CNKSR2: variants seen among roughly 807,000 people sequenced by gnomAD.
The protein encoded by CNKSR2 is CNK homolog protein 2.
Under a neutral mutation model 84.4 loss-of-function variants are expected in CNKSR2, and 14 were observed. The ratio of observed to expected loss-of-function variants is 0.17; its 90% CI spans 0.11 to 0.26. CNKSR2 has a LOEUF of 0.26. Ranked by LOEUF, CNKSR2 falls within the 10% of genes least tolerant of loss-of-function variation. The pLI is 1.00. For synonymous variants in CNKSR2, 275 were observed against 277.9 expected (o/e 0.99, Z 0.10); for missense variants, 485 against 771.2 (o/e 0.63, Z 4.40).
intron 6 of CNKSR2, chrX:21,493,929 T>G (rs1325075759): frequency 8.9e-6 from 1 of 111,992 alleles, no homozygotes; most frequent in Non-Finnish European, 1.9e-5. Flanking sequence ...TTTATTCTTG[T>G]GGCATTTAAA....
chrX:21,417,024 TTTC>T (rs2090431808), intron 1 of CNKSR2, among the ~76,000 whole-genome samples: 1 of 111,656 alleles, frequency 9.0e-6, no homozygotes, highest in African/African-American at 3.3e-5. Flanking sequence ...ATTTGAAGTT[TTTC>T]TTCTTTTTTG....
intron 4 of CNKSR2, among the ~76,000 whole-genome samples, chrX:21,462,958 G>A (rs925005506): frequency 9.1e-6 from 1 of 110,157 alleles, no homozygotes; most frequent in Admixed American, 9.6e-5. Context: ...CGCCCGCCTC[G>A]GCCTCCCAAA....
intron 7 of CNKSR2, among the ~76,000 whole-genome samples, chrX:21,499,633 TTC>T (rs1167998990): frequency 9.0e-6 from 1 of 110,994 alleles, no homozygotes; most frequent in Admixed American, 9.6e-5. Context: ...CATCTTTTGA[TTC>T]TTTTTTTTCT....
intron 11 of CNKSR2, among the ~76,000 whole-genome samples, chrX:21,544,000 C>T (rs1319349399): frequency 9.0e-6 from 1 of 110,641 alleles, no homozygotes; most frequent in Non-Finnish European, 1.9e-5. Flanking sequence ...TAGCAGAGTT[C>T]TTGCCTCATA....
chrX:21,456,909 A>G (rs748948290), intron 4 of CNKSR2, among the ~76,000 whole-genome samples: 1 of 111,713 alleles, frequency 9.0e-6, no homozygotes, highest in South Asian at 3.8e-4. Context: ...TAGCCATTCT[A>G]ACAGGAGTGA....
chrX:21,403,383 A>T (rs192905522), intron 1 of CNKSR2, among the ~76,000 whole-genome samples: 1 of 111,831 alleles, frequency 8.9e-6, no homozygotes, highest in East Asian at 2.8e-4. Context: ...TTGTTTATAT[A>T]CATTAACAAA....
At chrX:21,490,615 C>A (rs1161732338) in intron 6 of CNKSR2, 37 bp downstream of exon 6, 6 of 1,177,791 alleles carry the variant, frequency 5.1e-6, no homozygotes, top group Non-Finnish European at 6.9e-6. Context: ...CACCATCCAT[C>A]AGTAGAGAGC....
intron 9 of CNKSR2, among the ~76,000 whole-genome samples, chrX:21,526,144 A>T (rs2091832610): frequency 2.8e-5 from 3 of 107,326 alleles, no homozygotes; most frequent in African/African-American, 1.1e-4. Context: ...TACAGGCCTG[A>T]AAATGAGATC....
chrX:21,441,761 GAATAAGCA>G, intron 4 of CNKSR2, among the ~76,000 whole-genome samples: 1 of 111,535 alleles, frequency 9.0e-6, no homozygotes, highest in East Asian at 2.8e-4. Context: ...AGGCCAATTT[GAATAAGCA>G]AGGTGTAGAC....
At chrX:21,414,854 G>A (rs1335057572) in intron 1 of CNKSR2, among the ~76,000 whole-genome samples, 2 of 111,359 alleles carry the variant, frequency 1.8e-5, no homozygotes, top group Non-Finnish European at 3.8e-5. Context: ...GAAAATGAGT[G>A]CACTGTGGGT....
intron 11 of CNKSR2, among the ~76,000 whole-genome samples, chrX:21,535,698 A>AT (rs1264827341): frequency 9.0e-6 from 1 of 110,581 alleles, no homozygotes; most frequent in Non-Finnish European, 1.9e-5. Flanking sequence ...AACACTACTG[A>AT]TTTTTGTATG....
chrX:21,620,631 C>T (rs1223659959), intron 20 of CNKSR2, among the ~76,000 whole-genome samples: 1 of 111,234 alleles, frequency 9.0e-6, no homozygotes. Context: ...AGAGTTCTTC[C>T]TTGTATTGAT....
chrX:21,648,794 C>CTTTTTTTT lies in CNKSR2; in HGVS notation c.2693-19_2693-12dup, dbSNP rs33962399. 980 of 315,116 alleles carry CTTTTTTTT rather than the reference C, an allele frequency of 3.1e-3. 30 individuals carry two copies. Among genetic ancestry groups the CTTTTTTTT allele is most frequent in the African/African-American group, 4.7e-3 (75 of 16,088 alleles). 26.0% of individuals were successfully genotyped at this position (315,116 alleles called of 1,213,427 possible). ...TTTCTCTCTCTCTCTCTCTCTCTTT[C>CTTTTTTTT]TTTTTTTTTTTTTTTTTTTTTTTTT... On this transcript the variant is annotated intron_variant, in intron 20 of 21. Transcript: ENST00000379510.
intron 4 of CNKSR2, among the ~76,000 whole-genome samples, chrX:21,456,576 G>C (rs963549232): frequency 9.0e-6 from 1 of 111,525 alleles, no homozygotes; most frequent in Non-Finnish European, 1.9e-5. Flanking sequence ...ATATTTCATT[G>C]TGTGTGTGTA....
intron 5 of CNKSR2, among the ~76,000 whole-genome samples, chrX:21,485,991 C>T (rs1048830291): frequency 1.1e-4 from 12 of 110,741 alleles, no homozygotes; most frequent in East Asian, 8.5e-4. Context: ...AAAAAGTAGC[C>T]GGGCGTGGTG....
At chrX:21,410,487 A>G (rs1338475392) in intron 1 of CNKSR2, among the ~76,000 whole-genome samples, 2 of 111,305 alleles carry the variant, frequency 1.8e-5, no homozygotes, top group East Asian at 5.6e-4. Context: ...TCATTATGCT[A>G]TGTTACAAAT....
chrX:21,473,745 G>GTTTTTTTTTTTTTGTTTTTTT (rs2091226394), intron 5 of CNKSR2, among the ~76,000 whole-genome samples: 4 of 67,231 alleles, frequency 5.9e-5, no homozygotes, highest in African/African-American at 4.1e-4. Flanking sequence ...TGTTGGTTTG[G>GTTTTTTTTTTTTTGTTTTTTT]TTTTTTTTTT....
chrX:21,544,671 AT>A (rs1278601845), intron 11 of CNKSR2, among the ~76,000 whole-genome samples: 2 of 111,302 alleles, frequency 1.8e-5, no homozygotes, highest in Non-Finnish European at 3.8e-5. Context: ...TAATTTCTGC[AT>A]TTCCAACTGA....
intron 18 of CNKSR2, among the ~76,000 whole-genome samples, chrX:21,605,412 G>A (rs1018901857): frequency 5.3e-5 from 6 of 112,282 alleles, no homozygotes; most frequent in African/African-American, 1.9e-4. Context: ...CAGAGTCTTC[G>A]TATTTTGAGG....
Sources: allele counts gnomAD v4.1 joint callset (sites outside exome capture counted in the v4.1 genomes callset), GRCh38; gene constraint gnomAD v4.1.1; transcripts MANE v1.5; gene names NCBI Gene and HGNC (gene_info 2026-07-23, HGNC 2026-07-21).